KATNIP: variants seen among roughly 807,000 people sequenced by gnomAD.
The protein encoded by KATNIP is katanin interacting protein.
A neutral mutation model predicts 174.0 loss-of-function variants in KATNIP; 126 were observed. That is an observed-to-expected ratio of 0.72 (90% CI 0.63 to 0.84). The LOEUF (loss-of-function observed/expected upper bound fraction) is 0.84. KATNIP is among the 40% of genes least tolerant of loss of function. KATNIP has a pLI of 0.00. For synonymous variants in KATNIP, 810 were observed against 835.7 expected (o/e 0.97, Z 0.53); for missense variants, 1,958 against 2,109.7 (o/e 0.93, Z 1.41).
At chr16:27,754,465 C>G (rs2081640759) in intron 18 of KATNIP, 2 of 567,886 alleles carry the variant, frequency 3.5e-6, no homozygotes, top group East Asian at 3.0e-5. Context: ...AGGGGCATCT[C>G]TTAGCATTTT....
intron 5 of KATNIP, among the ~76,000 whole-genome samples, chr16:27,640,356 G>C (rs941467815): frequency 6.6e-6 from 1 of 152,192 alleles, no homozygotes; most frequent in Non-Finnish European, 1.5e-5. Context: ...TTGCAAGGGC[G>C]TGGAGGTGGG....
intron 6 of KATNIP, among the ~76,000 whole-genome samples, chr16:27,651,429 AG>A: frequency 6.6e-6 from 1 of 152,004 alleles, no homozygotes; most frequent in East Asian, 1.9e-4. Context: ...CAATCTGAAC[AG>A]GGAAAAAAAA....
In KATNIP at chr16:27,749,714, G is replaced by A. The variant is rs1313997993; in HGVS notation, c.2754G>A (p.Glu918=). Reference sequence around the variant, plus strand: ...ACCGGGGACGCATCTCCAACACGGAGCTCCCGGGGGACATCCTGGATGAGC... The same window carrying A: ...ACCGGGGACGCATCTCCAACACGGAACTCCCGGGGGACATCCTGGATGAGC... ...RSHRGRISNT[E]LPGDILDELL... The change falls in exon 16 of 28, where the codon GAG becomes GAA. Residue 918 remains glutamate (E), a synonymous_variant. Transcript: ENST00000261588. 2.5e-6 allele frequency: 4 copies of A among 1,613,446 alleles called. No individual in the cohort carries two copies. Among genetic ancestry groups the A allele is most frequent in the African/African-American group, 2.7e-5 (2 of 74,924 alleles).
At chr16:27,693,562 T>C (rs1455143204) in intron 8 of KATNIP, among the ~76,000 whole-genome samples, 1 of 152,092 alleles carries the variant, frequency 6.6e-6, no homozygotes, top group Non-Finnish European at 1.5e-5. Context: ...CTAATTTTTG[T>C]ATTTTTAGTA....
At chr16:27,658,831 C>T (rs1480015894) in intron 6 of KATNIP, among the ~76,000 whole-genome samples, 1 of 152,146 alleles carries the variant, frequency 6.6e-6, no homozygotes, top group Non-Finnish European at 1.5e-5. Flanking sequence ...GGCATGATCT[C>T]AGCTCACTGT....
At chr16:27,596,922 C>T (rs2075354899) in intron 2 of KATNIP, among the ~76,000 whole-genome samples, 1 of 152,128 alleles carries the variant, frequency 6.6e-6, no homozygotes, top group Non-Finnish European at 1.5e-5. Flanking sequence ...ACTGGGGAGG[C>T]TGAGGCAGGA....
intron 1 of KATNIP, among the ~76,000 whole-genome samples, chr16:27,560,703 C>G (rs115114480): frequency 1.9e-3 from 295 of 152,292 alleles, no homozygotes; most frequent in African/African-American, 6.7e-3. Flanking sequence ...TTAGCTACTC[C>G]CCCATGGCAG....
At chr16:27,612,999 C>T (rs1423723530) in intron 2 of KATNIP, among the ~76,000 whole-genome samples, 2 of 151,676 alleles carry the variant, frequency 1.3e-5, no homozygotes, top group Non-Finnish European at 2.9e-5. Context: ...TGGCGCACGC[C>T]TATAATCTAA....
chr16:27,605,685 G>A (rs974392866), intron 2 of KATNIP, among the ~76,000 whole-genome samples: 8 of 152,190 alleles, frequency 5.3e-5, no homozygotes, highest in African/African-American at 1.9e-4. Flanking sequence ...AGTGTTTTGT[G>A]CTGTTTCATT....
At chr16:27,717,066 A>G (rs2079982492) in intron 13 of KATNIP, among the ~76,000 whole-genome samples, 1 of 151,524 alleles carries the variant, frequency 6.6e-6, no homozygotes, top group Non-Finnish European at 1.5e-5. Context: ...CTGGTCTCGA[A>G]CTCCTGACCT....
chr16:27,696,241 AT>A (rs1342516996), intron 8 of KATNIP, among the ~76,000 whole-genome samples: 1 of 152,198 alleles, frequency 6.6e-6, no homozygotes, highest in African/African-American at 2.4e-5. Flanking sequence ...CAAAATACCC[AT>A]CCTTCTTCCT....
intron 1 of KATNIP, among the ~76,000 whole-genome samples, chr16:27,551,434 T>C (rs1475757787): frequency 6.6e-6 from 1 of 152,230 alleles, no homozygotes; most frequent in African/African-American, 2.4e-5. Context: ...GTCAATGTAA[T>C]GTTGCTATAG....
intron 5 of KATNIP, among the ~76,000 whole-genome samples, chr16:27,641,322 C>G (rs1240782444): frequency 6.6e-6 from 1 of 151,996 alleles, no homozygotes; most frequent in Admixed American, 6.6e-5. Flanking sequence ...ATCTCTCAAC[C>G]CCCCCTGTGC....
chr16:27,567,874 G>A lies in KATNIP; in HGVS notation c.8-6027G>A, dbSNP rs76855898. Among the ~76,000 whole-genome samples the A allele has an allele frequency of 8.2e-3, 1,252 of 152,286 alleles. 55 individuals carry two copies. Among genetic ancestry groups the A allele is most frequent in the Admixed American group, 0.067 (1,021 of 15,294 alleles). ...AGCTACTCAGGAGGCTAAGGTGGGA[G>A]GATCGTTTGTGCCCAGCAGTTCCAG... On this transcript the variant is annotated intron_variant, in intron 1 of 27. Coordinates refer to ENST00000261588, the MANE Select transcript of KATNIP (RefSeq NM_015202.5).
intron 14 of KATNIP, among the ~76,000 whole-genome samples, chr16:27,725,824 A>G (rs1214073905): frequency 6.6e-6 from 1 of 152,188 alleles, no homozygotes; most frequent in East Asian, 1.9e-4. Flanking sequence ...CAGCCTGGTC[A>G]CACCAGGAAG....
intron 1 of KATNIP, among the ~76,000 whole-genome samples, chr16:27,569,511 C>T (rs2090209638): frequency 6.6e-6 from 1 of 152,258 alleles, no homozygotes; most frequent in Non-Finnish European, 1.5e-5. Flanking sequence ...TTCAGAGGAA[C>T]ACCCCCTTAA....
At chr16:27,570,665 C>T (rs2090254764) in intron 1 of KATNIP, among the ~76,000 whole-genome samples, 1 of 152,102 alleles carries the variant, frequency 6.6e-6, no homozygotes. Flanking sequence ...GTTCGGGTGG[C>T]CATCTTGGGT....
chr16:27,628,262 C>G (rs571482966), intron 3 of KATNIP, among the ~76,000 whole-genome samples: 2 of 152,352 alleles, frequency 1.3e-5, no homozygotes, highest in African/African-American at 4.8e-5. Flanking sequence ...TGTTACACAT[C>G]AAACAAAGTT....
intron 4 of KATNIP, 29 bp from the exon 5 acceptor site, chr16:27,631,036 C>T: frequency 6.5e-7 from 1 of 1,535,214 alleles, no homozygotes; most frequent in Non-Finnish European, 8.8e-7. Context: ...AGTGCCTCAC[C>T]AAGTCTCCTT....
Sources: gnomAD v4.1 joint callset for allele counts (sites outside exome capture counted in the v4.1 genomes callset) on GRCh38, gnomAD v4.1.1 for gene constraint, MANE v1.5 for transcripts, NCBI Gene and HGNC (gene_info 2026-07-23, HGNC 2026-07-21) for gene names.